PRKN: variants seen among roughly 807,000 people sequenced by gnomAD.
PRKN encodes parkin RBR E3 ubiquitin protein ligase, also known as E3 ubiquitin-protein ligase parkin.
In PRKN, 56 loss-of-function variants were observed where a neutral mutation model predicts 59.5. The ratio of observed to expected loss-of-function variants is 0.94; its 90% CI spans 0.76 to 1.18. The LOEUF (loss-of-function observed/expected upper bound fraction) is 1.18. Among genes scored for constraint, PRKN ranks in the 50% most tolerant of loss-of-function variants. The probability of loss-of-function intolerance (pLI) is 0.00; values close to 1 mark genes in which losing one functional copy is unlikely to be tolerated. For synonymous variants in PRKN, 250 were observed against 222.1 expected (o/e 1.13, Z -1.12); for missense variants, 657 against 596.4 (o/e 1.10, Z -1.06).
intron 2 of PRKN, among the ~76,000 whole-genome samples, chr6:162,388,582 G>C (rs1021853685): frequency 6.6e-6 from 1 of 152,142 alleles, no homozygotes; most frequent in African/African-American, 2.4e-5. Flanking sequence ...TCTAAGGACA[G>C]GTGTGTTAAT....
rs16892530 is a variant in PRKN, at chr6:161,444,910, A to T, written c.1084-58033T>A. Among the ~76,000 whole-genome samples the T allele has an allele frequency of 0.018, 2,691 of 148,296 alleles. 87 individuals are homozygous for T. The highest frequency in any genetic ancestry group is 0.063 in the African/African-American group (2,525 of 40,010). On this transcript the variant is annotated intron_variant, in intron 9 of 11. Coordinates refer to ENST00000366898, the MANE Select transcript of PRKN (RefSeq NM_004562.3). The surrounding 1 kb of genome is among the most constrained non-coding windows in gnomAD (Gnocchi z 5.6). ...AGGTATGTAATAGTTATTTATTTTT[A>T]AAAAAAGCCAGTACCTCTCCAGTCT... is the stretch of plus-strand genomic sequence containing the variant.
chr6:162,454,988 G>A (rs953239578), intron 1 of PRKN, among the ~76,000 whole-genome samples: 4 of 152,194 alleles, frequency 2.6e-5, no homozygotes, highest in Admixed American at 2.6e-4. Context: ...TTTTCAGCAC[G>A]TGGGTTGAGT....
At chr6:162,563,281 G>A (rs1336985955) in intron 1 of PRKN, among the ~76,000 whole-genome samples, 1 of 151,148 alleles carries the variant, frequency 6.6e-6, no homozygotes, top group African/African-American at 2.4e-5. Flanking sequence ...TCCAGCTTCG[G>A]CGACAGAGCG....
At chr6:161,814,883 A>C (rs1416277493) in intron 6 of PRKN, among the ~76,000 whole-genome samples, 1 of 152,152 alleles carries the variant, frequency 6.6e-6, no homozygotes, top group Non-Finnish European at 1.5e-5. Flanking sequence ...ACCCGCCCCC[A>C]TGATTCAATT....
At chr6:162,646,824 T>C (rs1024738996) in intron 1 of PRKN, among the ~76,000 whole-genome samples, 2 of 152,156 alleles carry the variant, frequency 1.3e-5, no homozygotes, top group Non-Finnish European at 2.9e-5. Flanking sequence ...TAACACACGG[T>C]AAGTATTTGT....
chr6:161,902,800 G>A (rs948448126), intron 6 of PRKN, among the ~76,000 whole-genome samples: 1 of 151,916 alleles, frequency 6.6e-6, no homozygotes, highest in Non-Finnish European at 1.5e-5. Flanking sequence ...CAAGTGATCT[G>A]CCCACCTCGG....
At chr6:161,564,341 G>A (rs1018536180) in intron 8 of PRKN, among the ~76,000 whole-genome samples, 2 of 152,130 alleles carry the variant, frequency 1.3e-5, no homozygotes, top group Non-Finnish European at 2.9e-5. Flanking sequence ...CATCTCTCCA[G>A]GCTGAGCCCC....
At chr6:161,905,062 C>T (rs577544130) in intron 6 of PRKN, among the ~76,000 whole-genome samples, 2 of 152,236 alleles carry the variant, frequency 1.3e-5, no homozygotes, top group Non-Finnish European at 2.9e-5. Flanking sequence ...ATATCCACCA[C>T]GTAAAATAAA....
At chr6:161,830,893 G>T (rs1304918196) in intron 6 of PRKN, among the ~76,000 whole-genome samples, 1 of 152,072 alleles carries the variant, frequency 6.6e-6, no homozygotes, top group Admixed American at 6.6e-5. Flanking sequence ...GAAGAAAGAG[G>T]TGCAGCCTGG....
intron 9 of PRKN, among the ~76,000 whole-genome samples, chr6:161,406,653 CA>C (rs1049943017): frequency 2.6e-5 from 4 of 152,148 alleles, no homozygotes; most frequent in African/African-American, 9.7e-5. Context: ...TGACTTTCAA[CA>C]AAAACTCCTT....
At chr6:161,893,727 A>T (rs1221125180) in intron 6 of PRKN, among the ~76,000 whole-genome samples, 2 of 152,212 alleles carry the variant, frequency 1.3e-5, no homozygotes, top group East Asian at 3.9e-4. Flanking sequence ...TAAGATGATA[A>T]CAATGATCCC....
chr6:162,482,680 T>C (rs549799920), intron 1 of PRKN, among the ~76,000 whole-genome samples: 3 of 152,162 alleles, frequency 2.0e-5, no homozygotes, highest in East Asian at 1.9e-4. Context: ...AAGTATACTA[T>C]GTAAAATGGA....
chr6:162,282,315 AAGAAGAG>A (rs1177409575), intron 2 of PRKN, among the ~76,000 whole-genome samples: 8 of 151,562 alleles, frequency 5.3e-5, no homozygotes, highest in Non-Finnish European at 8.8e-5. Flanking sequence ...ACTTCCATAC[AAGAAGAG>A]TATATTAAAA....
At chr6:162,590,815 G>A (rs1031808050) in intron 1 of PRKN, among the ~76,000 whole-genome samples, 5 of 152,112 alleles carry the variant, frequency 3.3e-5, no homozygotes, top group Non-Finnish European at 5.9e-5. Flanking sequence ...CGGCACAGAC[G>A]CAACGTGTCA....
intron 7 of PRKN, among the ~76,000 whole-genome samples, chr6:161,637,830 C>G (rs1001067165): frequency 2.0e-5 from 3 of 152,094 alleles, no homozygotes; most frequent in Non-Finnish European, 4.4e-5. Flanking sequence ...AGCTGTTGAC[C>G]TAGAGGCAAA....
intron 1 of PRKN, among the ~76,000 whole-genome samples, chr6:162,667,974 T>C (rs946075591): frequency 6.6e-6 from 1 of 152,290 alleles, no homozygotes; most frequent in Non-Finnish European, 1.5e-5. Context: ...CAATTACTTA[T>C]TTTCAAATAG....
At chr6:161,430,305 C>T (rs4282384) in intron 9 of PRKN, among the ~76,000 whole-genome samples, 6,271 of 152,260 alleles carry the variant, frequency 0.041, 213 homozygotes, top group Admixed American at 0.08. Context: ...TCCTTAGGAC[C>T]TAATCACTGC....
intron 9 of PRKN, among the ~76,000 whole-genome samples, chr6:161,430,900 T>A (rs929486851): frequency 7.1e-6 from 1 of 140,876 alleles, no homozygotes; most frequent in African/African-American, 2.7e-5. Context: ...CTTTGGGAGG[T>A]CAAGGCAGGC....
chr6:162,122,751 T>TATCA (rs1175362590), intron 4 of PRKN, among the ~76,000 whole-genome samples: 1 of 151,792 alleles, frequency 6.6e-6, no homozygotes, highest in African/African-American at 2.4e-5. Flanking sequence ...TCTATCTATC[T>TATCA]ATCTATCTCT....
Sources: allele counts gnomAD v4.1 joint callset (sites outside exome capture counted in the v4.1 genomes callset), GRCh38; gene constraint gnomAD v4.1.1; non-coding constraint Gnocchi (gnomAD v3.1); transcripts MANE v1.5; gene names NCBI Gene and HGNC (gene_info 2026-07-23, HGNC 2026-07-21).